Variants in ATP9B observed in about 807,000 individuals in gnomAD.
The protein encoded by ATP9B is ATPase phospholipid transporting 9B, also known as probable phospholipid-transporting ATPase IIB.
ATP9B carries 110 observed loss-of-function variants against 146.1 expected under a neutral mutation model. The ratio of observed to expected loss-of-function variants is 0.75; its 90% CI spans 0.65 to 0.88. The LOEUF (loss-of-function observed/expected upper bound fraction) is 0.88, where lower values mean the gene tolerates loss of function less well. Ranked by LOEUF, ATP9B falls within the 40% of genes least tolerant of loss-of-function variation. The pLI is 0.00. For missense variants in ATP9B, 1,499 were observed against 1,496.4 expected (o/e 1.00, Z -0.03); for synonymous variants, 604 against 569.7 (o/e 1.06, Z -0.86).
At chr18:79,155,883 C>G (rs900461632) in intron 7 of ATP9B, among the ~76,000 whole-genome samples, 1 of 151,538 alleles carries the variant, frequency 6.6e-6, no homozygotes, top group Admixed American at 6.6e-5. Context: ...CTGCCTCAGC[C>G]TCCCGGGTAG....
At chr18:79,154,426 A>G (rs2094741622) in intron 6 of ATP9B, 78 bp from the exon 7 acceptor site, 6 of 982,696 alleles carry the variant, frequency 6.1e-6, no homozygotes, top group Non-Finnish European at 9.0e-6. Context: ...TTTCATAGGT[A>G]TTTCTTATTT....
chr18:79,363,125 A>G (rs1160627416), intron 26 of ATP9B: 2 of 152,198 alleles, frequency 1.3e-5, no homozygotes, highest in South Asian at 2.1e-4. Flanking sequence ...AACCTCCTAT[A>G]CTTGTAAACT....
At position 79,335,778 on chromosome 18, in the gene ATP9B, C is replaced by G. The variant is rs532751982; in HGVS notation, c.2029-850C>G. ...TTAAAAATAGAGCAAGAAGAACTTACGCAGATTCACGGAGTTAGTCCCAGA... is the reference window on the plus strand; with the variant it reads ...TTAAAAATAGAGCAAGAAGAACTTAGGCAGATTCACGGAGTTAGTCCCAGA... On this transcript the variant is annotated intron_variant, in intron 17 of 29. Coordinates refer to ENST00000426216, the MANE Select transcript of ATP9B (RefSeq NM_198531.5). Among the ~76,000 whole-genome samples, 6 of 152,344 alleles carry G rather than the reference C, an allele frequency of 3.9e-5. No homozygotes were observed. In the South Asian group the frequency reaches 1.2e-3, roughly 32 times the overall value.
intron 12 of ATP9B, among the ~76,000 whole-genome samples, chr18:79,276,230 G>A (rs906432689): frequency 5.3e-5 from 8 of 152,172 alleles, no homozygotes; most frequent in Admixed American, 1.3e-4. Context: ...TGACATGGCC[G>A]CTCTGTAGGT....
chr18:79,102,887 G>A (rs200950307), intron 2 of ATP9B, among the ~76,000 whole-genome samples: 3 of 152,174 alleles, frequency 2.0e-5, no homozygotes, highest in South Asian at 4.1e-4. Flanking sequence ...TGGAGTGATC[G>A]TAAATGGTTT....
At chr18:79,100,638 T>C (rs1467967858) in intron 2 of ATP9B, among the ~76,000 whole-genome samples, 1 of 152,182 alleles carries the variant, frequency 6.6e-6, no homozygotes, top group African/African-American at 2.4e-5. Context: ...CTACAGGAAT[T>C]GCAAAAATAG....
chr18:79,129,539 A>G (rs2094343179), intron 5 of ATP9B, among the ~76,000 whole-genome samples: 1 of 152,122 alleles, frequency 6.6e-6, no homozygotes, highest in African/African-American at 2.4e-5. Flanking sequence ...TTTGAAGGAA[A>G]TCTTTGTCAG....
chr18:79,253,115 G>A (rs1323615587), intron 11 of ATP9B, among the ~76,000 whole-genome samples: 5 of 152,196 alleles, frequency 3.3e-5, no homozygotes, highest in Admixed American at 6.5e-5. Context: ...GGTGACCAGC[G>A]CGCCACCCTC....
At chr18:79,364,163 G>A (rs951706352) in intron 26 of ATP9B, 1 of 152,010 alleles carries the variant, frequency 6.6e-6, no homozygotes, top group Non-Finnish European at 1.5e-5. Flanking sequence ...CTACACGGGA[G>A]GCTGAGGCAG....
chr18:79,278,136 T>C (rs2145764043), intron 13 of ATP9B, among the ~76,000 whole-genome samples: 1 of 152,306 alleles, frequency 6.6e-6, no homozygotes, highest in South Asian at 2.1e-4. Flanking sequence ...AGGTCTCTAA[T>C]ACATAGTGGA....
chr18:79,296,343 ATAACT>A (rs1171848096), intron 13 of ATP9B, among the ~76,000 whole-genome samples: 1 of 152,230 alleles, frequency 6.6e-6, no homozygotes, highest in Non-Finnish European at 1.5e-5. Context: ...ACAGGAATTA[ATAACT>A]TAATAACACA....
chr18:79,137,683 G>A (rs1384528588), intron 5 of ATP9B, among the ~76,000 whole-genome samples: 1 of 152,108 alleles, frequency 6.6e-6, no homozygotes, highest in East Asian at 1.9e-4. Flanking sequence ...CTCTGCCCTG[G>A]CCCTTCCTTC....
chr18:79,290,912 T>C (rs1370081607), intron 13 of ATP9B, among the ~76,000 whole-genome samples: 1 of 152,224 alleles, frequency 6.6e-6, no homozygotes, highest in Non-Finnish European at 1.5e-5. Flanking sequence ...TTTCTTTATA[T>C]ATTAAAATCA....
chr18:79,151,698 A>G (rs2094691785), intron 6 of ATP9B, among the ~76,000 whole-genome samples: 1 of 151,836 alleles, frequency 6.6e-6, no homozygotes, highest in Non-Finnish European at 1.5e-5. Flanking sequence ...GCCTTTTAAA[A>G]TTAGCATTTC....
chr18:79,214,098 T>A, intron 11 of ATP9B, 60 bp downstream of exon 11: 1 of 1,235,872 alleles, frequency 8.1e-7, no homozygotes, highest in Non-Finnish European at 1.1e-6. Context: ...AGTAAGAAAG[T>A]CTGCATAGTT....
At chr18:79,336,485 G>C in intron 17 of ATP9B, 143 bp from the exon 18 acceptor site, 1 of 684,144 alleles carries the variant, frequency 1.5e-6, no homozygotes, top group Non-Finnish European at 2.6e-6. Flanking sequence ...CCTCTGCTGA[G>C]TTGTCTCTGG....
intron 11 of ATP9B, among the ~76,000 whole-genome samples, chr18:79,231,534 T>TG (rs2095791427): frequency 6.6e-6 from 1 of 152,158 alleles, no homozygotes; most frequent in South Asian, 2.1e-4. Context: ...TCTACACTGC[T>TG]GGTGGGAATG....
At chr18:79,356,335 C>T (rs2096952882) in intron 25 of ATP9B, among the ~76,000 whole-genome samples, 1 of 151,654 alleles carries the variant, frequency 6.6e-6, no homozygotes, top group Non-Finnish European at 1.5e-5. Context: ...ACTCGGCACT[C>T]GTTTCCAAAC....
At chr18:79,200,750 T>TGGAGGTGGGGACTGTCGGGGTCAGC (rs1568388680) in intron 9 of ATP9B, among the ~76,000 whole-genome samples, 1 of 73,882 alleles carries the variant, frequency 1.4e-5, no homozygotes, top group African/African-American at 5.8e-5. Context: ...AGAGCAGAGG[T>TGGAGGTGGGGACTGTCGGGGTCAGC]GGAGGTGGGA....
Sources: allele counts gnomAD v4.1 joint callset (sites outside exome capture counted in the v4.1 genomes callset), GRCh38; gene constraint gnomAD v4.1.1; transcripts MANE v1.5; gene names NCBI Gene and HGNC (gene_info 2026-07-23, HGNC 2026-07-21).